Variants in RSU1 observed in about 807,000 individuals in gnomAD.
RSU1 encodes the protein Ras suppressor protein 1.
In RSU1, 26 loss-of-function variants were observed where a neutral mutation model predicts 31.1. That is an observed-to-expected ratio of 0.84 (90% confidence interval 0.61 to 1.16). The LOEUF (loss-of-function observed/expected upper bound fraction) is 1.16, where lower values mean the gene tolerates loss of function less well. RSU1 is among the 50% of genes most tolerant of loss of function. The probability of loss-of-function intolerance (pLI) is 0.00; values close to 1 mark genes in which losing one functional copy is unlikely to be tolerated. For synonymous variants in RSU1, 164 were observed against 136.3 expected (o/e 1.20, Z -1.41); for missense variants, 320 against 339.1 (o/e 0.94, Z 0.44).
At chr10:16,767,373 G>A (rs1460144472) in intron 3 of RSU1, 2 of 152,172 alleles carry the variant, frequency 1.3e-5, no homozygotes, top group African/African-American at 4.8e-5. Context: ...TTGACAGGAT[G>A]AGAGATTATT....
chr10:16,595,374 T>C (rs1352309135), intron 8 of RSU1, among the ~76,000 whole-genome samples: 2 of 152,196 alleles, frequency 1.3e-5, no homozygotes, highest in Admixed American at 1.3e-4. Flanking sequence ...CTTCCAAGTG[T>C]TGCCTTGGAG....
intron 8 of RSU1, among the ~76,000 whole-genome samples, chr10:16,689,041 A>G (rs996750997): frequency 8.6e-5 from 13 of 151,862 alleles, no homozygotes; most frequent in African/African-American, 3.2e-4. Context: ...AAAGAAAAAC[A>G]GTTCTTCATT....
At chr10:16,733,405 G>A (rs1406735386) in intron 7 of RSU1, among the ~76,000 whole-genome samples, 1 of 151,526 alleles carries the variant, frequency 6.6e-6, no homozygotes, top group African/African-American at 2.4e-5. Context: ...CTACTCAAGA[G>A]GCTGAGGCAG....
At chr10:16,683,865 G>A (rs996405473) in intron 8 of RSU1, among the ~76,000 whole-genome samples, 3 of 152,322 alleles carry the variant, frequency 2.0e-5, no homozygotes, top group South Asian at 2.1e-4. Context: ...GTTCAACTTC[G>A]AACAATTCGA....
At chr10:16,688,208 A>G (rs1835474242) in intron 8 of RSU1, among the ~76,000 whole-genome samples, 1 of 152,170 alleles carries the variant, frequency 6.6e-6, no homozygotes, top group Non-Finnish European at 1.5e-5. Flanking sequence ...CTTTTTAGCA[A>G]TACTGGTTAA....
In RSU1 at chr10:16,592,698, C is replaced by CTAAT. The variant is rs1329705389; in HGVS notation, c.*692_*695dup. ...TCCTAGAGATTTGTTTTTCTGCTTC[C>CTAAT]TAATTTAGAAAGTCTTCAAAGAAAA... On this transcript the variant is annotated 3_prime_UTR_variant, in exon 9 of 9. Transcript: ENST00000345264. 2 of 151,710 alleles carry CTAAT rather than the reference C, an allele frequency of 1.3e-5. No individual in the cohort carries two copies. Among genetic ancestry groups the CTAAT allele is most frequent in the African/African-American group, 2.4e-5 (1 of 41,180 alleles). 9.4% of individuals were successfully genotyped at this position (151,710 alleles called of 1,614,324 possible).
intron 8 of RSU1, among the ~76,000 whole-genome samples, chr10:16,601,132 C>G (rs1833708831): frequency 1.3e-5 from 2 of 152,144 alleles, no homozygotes; most frequent in Non-Finnish European, 2.9e-5. Flanking sequence ...AGCTGCTCTC[C>G]AAGTCCTCAT....
At chr10:16,710,667 TTTTTTTA>T (rs200746709) in intron 7 of RSU1, among the ~76,000 whole-genome samples, 2,094 of 152,172 alleles carry the variant, frequency 0.014, 27 homozygotes, top group East Asian at 0.044. Flanking sequence ...TTTTTTTAAA[TTTTTTTA>T]TTTTTTATTA....
intron 2 of RSU1, among the ~76,000 whole-genome samples, chr10:16,806,876 C>G (rs1415710760): frequency 1.3e-5 from 2 of 152,202 alleles, no homozygotes; most frequent in Non-Finnish European, 2.9e-5. Context: ...GCCTCAGCCT[C>G]CCAAGTAGCT....
chr10:16,638,646 C>G (rs1834388893), intron 8 of RSU1, among the ~76,000 whole-genome samples: 2 of 152,162 alleles, frequency 1.3e-5, no homozygotes, highest in Admixed American at 1.3e-4. Flanking sequence ...CTAGCATATA[C>G]AGAGGCTTTG....
chr10:16,675,357 T>C (rs79895407), intron 8 of RSU1, among the ~76,000 whole-genome samples: 360 of 152,334 alleles, frequency 2.4e-3, no homozygotes, highest in Middle Eastern at 0.014. Context: ...TTAAATGGTA[T>C]TCTACCTAGA....
At chr10:16,651,009 T>C (rs796665804) in intron 8 of RSU1, among the ~76,000 whole-genome samples, 2 of 152,220 alleles carry the variant, frequency 1.3e-5, no homozygotes, top group South Asian at 4.1e-4. Flanking sequence ...GTATGGAATT[T>C]AGATTTGATT....
At chr10:16,731,651 A>T (rs1836514160) in intron 7 of RSU1, among the ~76,000 whole-genome samples, 8 of 152,154 alleles carry the variant, frequency 5.3e-5, no homozygotes, top group Admixed American at 5.2e-4. Context: ...CCAAACCTTT[A>T]CTATCACTTT....
At chr10:16,746,938 A>G (rs1472275183) in intron 7 of RSU1, among the ~76,000 whole-genome samples, 2 of 152,128 alleles carry the variant, frequency 1.3e-5, no homozygotes, top group Admixed American at 6.6e-5. Context: ...GGATATTTCA[A>G]TTATGTGCAT....
intron 8 of RSU1, among the ~76,000 whole-genome samples, chr10:16,684,887 T>C (rs115660286): frequency 0.011 from 1,663 of 152,286 alleles, 35 homozygotes; most frequent in African/African-American, 0.038. Flanking sequence ...AAATAGACAC[T>C]ACCTAATTGG....
chr10:16,641,667 C>T (rs191698281), intron 8 of RSU1, among the ~76,000 whole-genome samples: 1 of 152,280 alleles, frequency 6.6e-6, no homozygotes, highest in African/African-American at 2.4e-5. Context: ...TTGCCAACAA[C>T]AGCCCCTGCC....
At chr10:16,600,074 G>A (rs753674131) in intron 8 of RSU1, among the ~76,000 whole-genome samples, 3 of 152,168 alleles carry the variant, frequency 2.0e-5, no homozygotes, top group Non-Finnish European at 4.4e-5. Context: ...ACGAGAAACC[G>A]CACTCTGAAG....
rs1375313422 is a variant in RSU1 at position 16,645,969 on chromosome 10, T to C, written c.731+49054A>G. Among the ~76,000 whole-genome samples the C allele has an allele frequency of 1.1e-3, 57 of 52,490 alleles. 6 individuals carry two copies. The highest frequency in any genetic ancestry group is 2.9e-3 in the South Asian group (4 of 1,382). 34.4% of individuals were successfully genotyped at this position (52,490 alleles called of 152,430 possible). On this transcript the variant is annotated intron_variant, in intron 8 of 8. Transcript: ENST00000345264. ...ATATGTGTATATACATATATGTGTATATATATGTGTATATACATATATGTG... is the reference window on the plus strand; with the variant it reads ...ATATGTGTATATACATATATGTGTACATATATGTGTATATACATATATGTG...
At chr10:16,784,545 T>C (rs1338312111) in intron 2 of RSU1, among the ~76,000 whole-genome samples, 1 of 152,170 alleles carries the variant, frequency 6.6e-6, no homozygotes, top group Admixed American at 6.5e-5. Context: ...GGTATTAGCC[T>C]GTTCTCACGC....
Sources: allele counts gnomAD v4.1 joint callset (sites outside exome capture counted in the v4.1 genomes callset), GRCh38; gene constraint gnomAD v4.1.1; transcripts MANE v1.5; gene names NCBI Gene and HGNC (gene_info 2026-07-23, HGNC 2026-07-21).